The following POTEF variants were observed in gnomAD, a reference collection of about 807,000 sequenced individuals.
POTEF encodes the protein ANKRD26-like family C member 1B.
POTEF carries 20 observed loss-of-function variants against 83.2 expected under a neutral mutation model. The ratio of observed to expected loss-of-function variants is 0.24; its 90% CI spans 0.17 to 0.35. The LOEUF is 0.35. POTEF is among the 10% of genes least tolerant of loss of function. The probability of loss-of-function intolerance (pLI) is 1.00; values close to 1 mark genes in which losing one functional copy is unlikely to be tolerated. For missense variants in POTEF, 550 were observed against 1,203.2 expected, an observed-to-expected ratio of 0.46 and a Z score of 8.03; for synonymous variants, 196 against 446.4, an observed-to-expected ratio of 0.44 and a Z score of 7.07.
intron 8 of POTEF, among the ~76,000 whole-genome samples, chr2:130,102,819 T>C (rs1362165970): frequency 5.3e-5 from 8 of 151,716 alleles, no homozygotes; most frequent in Non-Finnish European, 1.2e-4. Flanking sequence ...TATGATTAAC[T>C]GCCTTTGTTC....
At chr2:130,112,183 T>C in intron 5 of POTEF, 82 bp from the exon 6 acceptor site, 1 of 1,289,140 alleles carries the variant, frequency 7.8e-7, no homozygotes, top group Non-Finnish European at 1.1e-6. Flanking sequence ...TTATATAAGA[T>C]CTTATGGACT....
At position 130,075,389 on chromosome 2, in the gene POTEF, G is replaced by A. The variant is rs760041813; in HGVS notation, c.2083C>T (p.Gln695Ter). ...TCATCCATGGTGAGCTCATTCAATT[G>A]TAGAGCCTTTAAAAGATTATCATTC... ...KRNDNLLKAL[Q>*]LNELTMDDDT... Residue 695 changes from glutamine (Q) to a stop codon, truncating the protein, a stop_gained, in exon 17 of 17, where the codon CAA becomes TAA. Transcript: ENST00000409914. LOFTEE classifies it high-confidence loss of function. 49 of 1,611,862 alleles carry A rather than the reference G, an allele frequency of 3.0e-5. No homozygotes were observed. In the East Asian group the frequency reaches 9.6e-4, roughly 32 times the overall value.
intron 5 of POTEF, among the ~76,000 whole-genome samples, chr2:130,113,063 T>G (rs1286321362): frequency 6.8e-6 from 1 of 147,412 alleles, no homozygotes; most frequent in East Asian, 2.0e-4. Flanking sequence ...ATAATATTCA[T>G]TTTAATGTCT....
chr2:130,109,361 C>T (rs1456601646), intron 7 of POTEF: 1 of 143,184 alleles, frequency 7.0e-6, no homozygotes, highest in African/African-American at 2.7e-5. Flanking sequence ...CAAGGCTTGG[C>T]TCTGTGAAGT....
Position 130,075,522 on chromosome 2 carries a change from C to A in POTEF, c.1950G>T (p.Thr650=), listed in dbSNP as rs140164326. 9.9e-6 allele frequency: 16 copies of A among 1,610,790 alleles called. No homozygotes were observed. Among genetic ancestry groups the A allele is most frequent in the Non-Finnish European group, 1.4e-5 (16 of 1,179,650 alleles). ...TTAGCATGGCAATTTCTTCCCGCAA[C>A]GTACTATTTTCATGCAAGATGTCTT... ...KEKDILHENS[T]LREEIAMLRL... Residue 650 remains threonine, a synonymous_variant, in exon 17 of 17, where the codon ACG becomes ACT. Transcript: ENST00000409914.
intron 2 of POTEF, among the ~76,000 whole-genome samples, chr2:130,125,663 C>T (rs1685075440): frequency 6.6e-6 from 1 of 151,998 alleles, no homozygotes; most frequent in South Asian, 2.1e-4. Context: ...AAAATACACA[C>T]AGCTGACCGA....
At chr2:130,119,355 A>T (rs1255308573) in intron 3 of POTEF, among the ~76,000 whole-genome samples, 6 of 151,762 alleles carry the variant, frequency 4.0e-5, no homozygotes, top group Admixed American at 3.9e-4. Flanking sequence ...TTTAGTAGAG[A>T]CAGGGTTTCA....
intron 5 of POTEF, among the ~76,000 whole-genome samples, chr2:130,113,949 G>A (rs894799334): frequency 7.3e-5 from 11 of 151,694 alleles, no homozygotes; most frequent in African/African-American, 1.2e-4. Context: ...AGAAGAACAG[G>A]GTCTAGTCAA....
chr2:130,128,773 C>G (rs1412044224), intron 1 of POTEF, among the ~76,000 whole-genome samples: 2 of 142,306 alleles, frequency 1.4e-5, no homozygotes, highest in East Asian at 4.2e-4. Flanking sequence ...AAATAACCAC[C>G]AAAACCACTC....
chr2:130,117,001 G>A (rs1402949836), intron 3 of POTEF, among the ~76,000 whole-genome samples: 2 of 145,870 alleles, frequency 1.4e-5, no homozygotes, highest in Non-Finnish European at 3.0e-5. Flanking sequence ...TAGGTGTCTG[G>A]CTTATGTCTG....
chr2:130,075,881 A>T lies in POTEF; in HGVS notation c.1900-309T>A, dbSNP rs192207036. On this transcript the variant is annotated intron_variant, in intron 16 of 16. Transcript: ENST00000409914. ...GAGGATTTTTAAGAATCCCAGAATTAAAAAAAGCCTTTTTTCTGAGTTACA... is the reference window on the plus strand; with the variant it reads ...GAGGATTTTTAAGAATCCCAGAATTTAAAAAAGCCTTTTTTCTGAGTTACA... Among the ~76,000 whole-genome samples, 367 of 146,392 alleles carry T rather than the reference A, an allele frequency of 2.5e-3. 4 individuals carry two copies. The highest frequency in any genetic ancestry group is 8.6e-3 in the African/African-American group (318 of 37,054).
chr2:130,112,991 G>C (rs1020652581), intron 5 of POTEF, among the ~76,000 whole-genome samples: 13 of 151,730 alleles, frequency 8.6e-5, no homozygotes, highest in African/African-American at 2.9e-4. Flanking sequence ...CTTCTGAACG[G>C]CAGTGAATAA....
intron 6 of POTEF, among the ~76,000 whole-genome samples, chr2:130,111,434 T>C (rs1287008222): frequency 6.6e-6 from 1 of 151,906 alleles, no homozygotes; most frequent in Admixed American, 6.5e-5. Context: ...AATAAAAACA[T>C]CAAAATACAC....
In POTEF at chr2:130,108,207, C is replaced by T. The variant is rs2599862; in HGVS notation, c.1056-128G>A. The T allele has an allele frequency of 2.1e-4, 303 of 1,416,392 alleles. 21 individuals are homozygous for T. The African/African-American group carries it at 3.9e-3, about 18-fold the overall frequency. 87.7% of individuals were successfully genotyped at this position (1,416,392 alleles called of 1,614,324 possible). A position where few individuals can be genotyped will look rare whatever the true frequency, so the allele number is the denominator to read the frequency against. ...AACAGAACTTAATAGTATTATCCCA[C>T]CCACTTGTGAGTACATTCTACAAAC... is the stretch of plus-strand genomic sequence containing the variant. On this transcript the variant is annotated intron_variant, in intron 7 of 16. Transcript: ENST00000409914.
intron 9 of POTEF, 70 bp from the exon 10 acceptor site, chr2:130,100,790 T>C: frequency 6.4e-7 from 1 of 1,562,084 alleles, no homozygotes; most frequent in Middle Eastern, 2.0e-4. Context: ...TTGGAGCGCA[T>C]GTTTTAAAAA....
chr2:130,128,857 C>T (rs1310323301), intron 1 of POTEF, among the ~76,000 whole-genome samples: 2 of 124,270 alleles, frequency 1.6e-5, no homozygotes, highest in African/African-American at 6.8e-5. Flanking sequence ...CGTTAGTGCA[C>T]ACAACCTGCC....
chr2:130,075,991 A>G (rs1683792603), intron 16 of POTEF, among the ~76,000 whole-genome samples: 1 of 139,524 alleles, frequency 7.2e-6, no homozygotes, highest in South Asian at 2.4e-4. Flanking sequence ...TAACCTATCA[A>G]CCACACCATC....
At position 130,120,232 on chromosome 2, in the gene POTEF, C is replaced by G. The variant is rs375532520; in HGVS notation, c.284G>C (p.Arg95Thr). ...GCAGCACCACTTGCCCATCTTGTTC[C>G]TGAGTGTCTTCATAGCAGAGTCGTC... is the stretch of plus-strand genomic sequence containing the variant. ...DHDDSAMKTL[R>T]NKMGKWCCHC... The change falls in exon 3 of 17, where the codon AGG (arginine) becomes ACG (threonine). Residue 95 changes from arginine (R) to threonine (T), a missense_variant. Coordinates refer to ENST00000409914, the MANE Select transcript of POTEF (RefSeq NM_001099771.2). The G allele has an allele frequency of 4.7e-5, 75 of 1,599,354 alleles. No homozygotes were observed. The highest frequency in any genetic ancestry group is 7.1e-5 in the Admixed American group (4 of 56,182).
At chr2:130,103,400 TA>T (rs1017915301) in intron 8 of POTEF, among the ~76,000 whole-genome samples, 2 of 150,640 alleles carry the variant, frequency 1.3e-5, no homozygotes, top group Admixed American at 1.3e-4. Flanking sequence ...CACTTGTCCT[TA>T]TATTTATCTT....
Sources: allele counts gnomAD v4.1 joint callset (sites outside exome capture counted in the v4.1 genomes callset), GRCh38; gene constraint gnomAD v4.1.1; transcripts MANE v1.5; gene names NCBI Gene and HGNC (gene_info 2026-07-23, HGNC 2026-07-21).